Variants in SYNE2 observed in about 807,000 individuals in gnomAD.
SYNE2 encodes spectrin repeat containing nuclear envelope protein 2, also known as nesprin-2.
In SYNE2, 431 loss-of-function variants were observed where a neutral mutation model predicts 856.3. The ratio of observed to expected loss-of-function variants is 0.50; its 90% CI spans 0.47 to 0.55. SYNE2 has a LOEUF of 0.55. SYNE2 is among the 20% of genes least tolerant of loss of function. The pLI, the probability that SYNE2 is intolerant of heterozygous loss-of-function variation, is 0.00. For missense variants in SYNE2, 8,129 were observed against 8,023.2 expected (o/e 1.01, Z -0.50); for synonymous variants, 2,923 against 2,872.3 (o/e 1.02, Z -0.56).
At chr14:64,138,977 G>GTGTGTGTA (rs1308599845) in intron 79 of SYNE2, among the ~76,000 whole-genome samples, 2 of 134,676 alleles carry the variant, frequency 1.5e-5, no homozygotes, top group African/African-American at 6.0e-5. Flanking sequence ...GTGTGTGTGT[G>GTGTGTGTA]TGTATGTAAT....
At chr14:63,988,829 A>G (rs980794324) in intron 19 of SYNE2, among the ~76,000 whole-genome samples, 1 of 152,138 alleles carries the variant, frequency 6.6e-6, no homozygotes, top group African/African-American at 2.4e-5. Context: ...AAACTTATTC[A>G]CTATTTTGAG....
chr14:64,138,030 A>G, intron 79 of SYNE2, 47 bp downstream of exon 79: 1 of 1,580,234 alleles, frequency 6.3e-7, no homozygotes, highest in Non-Finnish European at 8.6e-7. Context: ...GCTGTGAAGA[A>G]AGACCTCGGG....
intron 2 of SYNE2, among the ~76,000 whole-genome samples, chr14:63,934,079 C>G (rs1385448647): frequency 6.6e-6 from 1 of 152,196 alleles, no homozygotes; most frequent in Non-Finnish European, 1.5e-5. Flanking sequence ...CTTTGTTTGC[C>G]ATTAAGCAAA....
Position 63,775,649 on chromosome 14 carries a change from C to T in SYNE2, c.-305+13663C>T, listed in dbSNP as rs528086537. Among the ~76,000 whole-genome samples, 9 of 152,144 alleles carry T rather than the reference C, an allele frequency of 5.9e-5. No homozygotes were observed. In the East Asian group the frequency reaches 7.7e-4, roughly 13 times the overall value. On this transcript the variant is annotated intron_variant, in intron 1 of 23. Transcript: ENST00000674003. ...AGGCTGGAATGTAGTGATGTTACCA[C>T]GGCTCACTGCAGCCTCAACCTCCTT...
chr14:64,029,062 G>T (rs2097007900), intron 43 of SYNE2, among the ~76,000 whole-genome samples: 1 of 152,178 alleles, frequency 6.6e-6, no homozygotes, highest in East Asian at 1.9e-4. Flanking sequence ...CTTGAACCCA[G>T]GAGGTAGAGG....
chr14:64,166,957 A>T (rs994982939), intron 90 of SYNE2: 8 of 468,140 alleles, frequency 1.7e-5, no homozygotes, highest in Non-Finnish European at 2.7e-5. Flanking sequence ...AAAAAAGCCT[A>T]TTTTCTGTAT....
At chr14:63,881,226 G>A (rs1049981204) in intron 1 of SYNE2, among the ~76,000 whole-genome samples, 4 of 151,798 alleles carry the variant, frequency 2.6e-5, no homozygotes, top group African/African-American at 9.7e-5. Context: ...CAGTCTGCCC[G>A]CCTTGGCTTC....
At chr14:63,993,707 A>G in intron 21 of SYNE2, 128 bp from the exon 22 acceptor site, 1 of 788,022 alleles carries the variant, frequency 1.3e-6, no homozygotes, top group South Asian at 1.8e-5. Flanking sequence ...AAATCTTCAG[A>G]TATTCTTCAG....
At chr14:63,998,755 G>A (rs1342253419) in intron 26 of SYNE2, among the ~76,000 whole-genome samples, 159 bp from the exon 27 acceptor site, 4 of 152,050 alleles carry the variant, frequency 2.6e-5, no homozygotes, top group Non-Finnish European at 5.9e-5. Context: ...TAGAGATGAG[G>A]TTTCGCCATG....
Position 63,978,928 on chromosome 14 carries a change from G to A in SYNE2, c.1483G>A (p.Val495Ile). 6.2e-7 allele frequency: 1 copy of A among 1,612,980 alleles called. No individual in the cohort carries two copies. The highest frequency in any genetic ancestry group is 1.1e-5 in the South Asian group (1 of 91,058). The change falls in exon 14 of 116, where the codon GTA (valine) becomes ATA (isoleucine). Residue 495 changes from valine to isoleucine, a missense_variant. Around this residue, in one of 3 missense-constraint regions of SYNE2, gnomAD observed 2,422 missense variants for 2,357.4 expected, o/e 1.03. Transcript: ENST00000555002. Reference sequence around the variant, plus strand: ...CTACAAGTGCTTAGTTCTTGGTTTGGTAGATGAAGTGAAATCAAAATTGGA... The same window carrying A: ...CTACAAGTGCTTAGTTCTTGGTTTGATAGATGAAGTGAAATCAAAATTGGA... ...HYYKCLVLGL[V>I]DEVKSKLDIW...
intron 6 of SYNE2, among the ~76,000 whole-genome samples, chr14:63,942,819 T>G (rs1437368489): frequency 6.6e-6 from 1 of 152,102 alleles, no homozygotes; most frequent in African/African-American, 2.4e-5. Flanking sequence ...TTTGTAGAGA[T>G]GGGGTTTCAT....
rs780011944 is a variant in SYNE2, at chr14:64,087,865, G to T, written c.11670+9G>T. 3 of 1,613,442 alleles carry T rather than the reference G, an allele frequency of 1.9e-6. No individual in the cohort carries two copies. The highest frequency in any genetic ancestry group is 2.5e-6 in the Non-Finnish European group (3 of 1,179,508). ...TTCAGCGAATGGCTGATGTAAGTTT[G>T]CACCATTCATTTAATCATTCAGGAT... On this transcript the variant is annotated intron_variant, in intron 58 of 115. Transcript: ENST00000555002.
rs751067571 is a variant in SYNE2, at chr14:64,016,583, G to C, written c.4839G>C (p.Glu1613Asp). The C allele has an allele frequency of 3.1e-6, 5 of 1,602,562 alleles. No homozygotes were observed. The Admixed American group carries it at 8.4e-5, about 27-fold the overall frequency. The change falls in exon 33 of 116, where the codon GAG becomes GAC. Residue 1613 changes from glutamate to aspartate, a missense_variant. This residue lies in a region of SYNE2 where 2,422 missense variants were observed against 2,357.4 expected (regional missense o/e 1.03). Transcript: ENST00000555002. ...FYLNKMKTFE[E>D]PPFEKEANII... ...TAAATAAAATGAAAACTTTTGAAGA[G>C]CCCCCTTTTGAAAAAGAGGCTAATA...
intron 97 of SYNE2, among the ~76,000 whole-genome samples, chr14:64,188,177 G>C (rs1461379604): frequency 6.6e-6 from 1 of 152,188 alleles, no homozygotes; most frequent in African/African-American, 2.4e-5. Context: ...ATAGGACATT[G>C]TCCTTATGTT....
chr14:64,040,197 T>C (rs1329098967), intron 45 of SYNE2, among the ~76,000 whole-genome samples: 1 of 152,044 alleles, frequency 6.6e-6, no homozygotes, highest in Non-Finnish European at 1.5e-5. Context: ...TTAGTAAGAA[T>C]GAATGAATAA....
intron 50 of SYNE2, among the ~76,000 whole-genome samples, chr14:64,063,480 G>T (rs2153589554): frequency 6.6e-6 from 1 of 152,298 alleles, no homozygotes; most frequent in East Asian, 1.9e-4. Flanking sequence ...CTTTTCTAAA[G>T]CATCACCTCT....
At chr14:64,016,660 T>A (rs762718577) in intron 33 of SYNE2, 29 bp downstream of exon 33, 1 of 1,462,332 alleles carries the variant, frequency 6.8e-7, no homozygotes, top group East Asian at 2.3e-5. Context: ...GATTGCAAAT[T>A]TAATTTTGTT....
chr14:64,082,905 GT>G (rs2097535001), intron 57 of SYNE2, among the ~76,000 whole-genome samples: 1 of 152,168 alleles, frequency 6.6e-6, no homozygotes, highest in Non-Finnish European at 1.5e-5. Flanking sequence ...AAATGAAAGT[GT>G]TTTCCCACTT....
chr14:64,056,124 C>T lies in SYNE2; in HGVS notation c.9925C>T (p.His3309Tyr), dbSNP rs764372124. 7.4e-6 allele frequency: 12 copies of T among 1,614,128 alleles called. No individual in the cohort carries two copies. The highest frequency in any genetic ancestry group is 3.3e-5 in the Admixed American group (2 of 60,026). The stretch of plus-strand genomic sequence containing the variant: ...AGAGGAATTGGAATCCACAGTAGCA[C>T]ACATCCAGGACCTCACTGAGAAACT... ...KQEELESTVA[H>Y]IQDLTEKLGM... Residue 3309 changes from histidine (H) to tyrosine (Y), a missense_variant, in exon 49 of 116, where the codon CAC (histidine) becomes TAC (tyrosine). Coordinates refer to ENST00000555002, the MANE Select transcript of SYNE2 (RefSeq NM_182914.3).
Sources: gnomAD v4.1 joint callset for allele counts (sites outside exome capture counted in the v4.1 genomes callset) on GRCh38, gnomAD v4.1.1 for gene constraint, gnomAD v4.1.1 regional missense constraint, MANE v1.5 for transcripts, NCBI Gene and HGNC (gene_info 2026-07-23, HGNC 2026-07-21) for gene names.